Variants in GPC6 observed in about 807,000 individuals in gnomAD.
GPC6 encodes the protein glypican 6.
GPC6 carries 14 observed loss-of-function variants against 55.2 expected under a neutral mutation model. That is an observed-to-expected ratio of 0.25 (90% CI 0.17 to 0.40). The LOEUF is 0.40. Among genes scored for constraint, GPC6 ranks in the 10% least tolerant of loss-of-function variants. The pLI, the probability that GPC6 is intolerant of heterozygous loss-of-function variation, is 1.00. For missense variants in GPC6, 641 were observed against 708.5 expected, an observed-to-expected ratio of 0.90 and a Z score of 1.08; for synonymous variants, 278 against 259.6, an observed-to-expected ratio of 1.07 and a Z score of -0.68.
At chr13:93,536,845 C>T (rs1305597695) in intron 1 of GPC6, among the ~76,000 whole-genome samples, 1 of 152,002 alleles carries the variant, frequency 6.6e-6, no homozygotes, top group African/African-American at 2.4e-5. Context: ...GGTAACTGTT[C>T]CTAAAGGTAT....
chr13:94,293,522 T>C (rs1025486423), intron 5 of GPC6, among the ~76,000 whole-genome samples: 1 of 152,190 alleles, frequency 6.6e-6, no homozygotes, highest in African/African-American at 2.4e-5. Flanking sequence ...TTAAACCTCT[T>C]TTCTTTGTAA....
At chr13:94,253,281 G>T (rs1366773938) in intron 4 of GPC6, among the ~76,000 whole-genome samples, 1 of 152,058 alleles carries the variant, frequency 6.6e-6, no homozygotes. Flanking sequence ...GAAAAGAAGG[G>T]TGTTATTTAA....
chr13:93,252,286 G>T (rs1483126718), intron 1 of GPC6, among the ~76,000 whole-genome samples: 1 of 152,128 alleles, frequency 6.6e-6, no homozygotes, highest in African/African-American at 2.4e-5. Flanking sequence ...CCAGGGGTTT[G>T]AGAATACATT....
intron 1 of GPC6, among the ~76,000 whole-genome samples, chr13:93,368,381 C>T (rs1310105602): frequency 7.4e-6 from 1 of 135,550 alleles, no homozygotes; most frequent in Non-Finnish European, 1.6e-5. Context: ...TCCTTCCTTC[C>T]TTCCTTCCGT....
intron 4 of GPC6, among the ~76,000 whole-genome samples, chr13:94,175,956 A>ATG (rs71126441): frequency 1.6e-5 from 1 of 63,428 alleles, no homozygotes; most frequent in Non-Finnish European, 3.9e-5. Context: ...ATATATATAT[A>ATG]GAGAGAGAGA....
chr13:93,436,074 A>T (rs1877560326), intron 1 of GPC6, among the ~76,000 whole-genome samples: 1 of 152,138 alleles, frequency 6.6e-6, no homozygotes, highest in African/African-American at 2.4e-5. Context: ...CCTGTTTGAG[A>T]CCAATTGTAG....
At chr13:93,613,500 A>G (rs1878576084) in intron 2 of GPC6, among the ~76,000 whole-genome samples, 1 of 149,168 alleles carries the variant, frequency 6.7e-6, no homozygotes, top group African/African-American at 2.5e-5. Context: ...TCTCTGTGAC[A>G]GACAAGCAAA....
At chr13:93,966,495 G>A (rs1880049324) in intron 3 of GPC6, among the ~76,000 whole-genome samples, 1 of 152,130 alleles carries the variant, frequency 6.6e-6, no homozygotes, top group South Asian at 2.1e-4. Context: ...ATACTTTGCT[G>A]TGTTTGTTTG....
chr13:94,084,274 T>C (rs1471813311), intron 4 of GPC6, among the ~76,000 whole-genome samples: 1 of 152,226 alleles, frequency 6.6e-6, no homozygotes, highest in African/African-American at 2.4e-5. Context: ...GGCCAAAAAC[T>C]GAATCATTAT....
chr13:93,773,171 T>C (rs1041940062), intron 2 of GPC6, among the ~76,000 whole-genome samples: 9 of 152,298 alleles, frequency 5.9e-5, no homozygotes, highest in African/African-American at 2.2e-4. Context: ...CCACTCTAGT[T>C]AGTAATACTG....
chr13:93,324,587 C>CATATATATATATATATAT lies in GPC6; in HGVS notation c.160+96979_160+96996dup, dbSNP rs34871661. ...ATATATATATACACACACATACATA[C>CATATATATATATATATAT]ATATATATATATATATATATATATA... On this transcript the variant is annotated intron_variant, in intron 1 of 8. Transcript: ENST00000377047. 5.1e-3 allele frequency among the ~76,000 whole-genome samples: 621 copies of CATATATATATATATATAT among 122,650 alleles called. 4 individuals are homozygous for CATATATATATATATATAT. The highest frequency in any genetic ancestry group is 0.028 in the Admixed American group (302 of 10,696). The allele number at this position is 122,650 out of a possible 152,430, so 80.5% of individuals were successfully genotyped here. A position where few individuals can be genotyped will look rare whatever the true frequency, so the allele number is the denominator to read the frequency against.
At chr13:94,337,376 G>GAGTC (rs1261987597) in intron 6 of GPC6, among the ~76,000 whole-genome samples, 1 of 152,148 alleles carries the variant, frequency 6.6e-6, no homozygotes, top group Non-Finnish European at 1.5e-5. Flanking sequence ...GGTGAGGGCA[G>GAGTC]AGTCAGGACT....
chr13:94,290,685 A>G (rs2139091881), intron 5 of GPC6, among the ~76,000 whole-genome samples: 1 of 152,254 alleles, frequency 6.6e-6, no homozygotes, highest in Non-Finnish European at 1.5e-5. Context: ...TCTCTCAGCA[A>G]TTTTCAAGTA....
At chr13:94,299,816 G>A (rs1875544716) in intron 5 of GPC6, among the ~76,000 whole-genome samples, 1 of 152,122 alleles carries the variant, frequency 6.6e-6, no homozygotes, top group Non-Finnish European at 1.5e-5. Context: ...CATTTCTTGT[G>A]AAAATAATGG....
chr13:93,788,746 A>G (rs997462351), intron 2 of GPC6, among the ~76,000 whole-genome samples: 2 of 152,140 alleles, frequency 1.3e-5, no homozygotes, highest in African/African-American at 2.4e-5. Flanking sequence ...CCAGAGATCC[A>G]GAAGGGTTTT....
chr13:93,657,923 G>A (rs1880753895), intron 2 of GPC6, among the ~76,000 whole-genome samples: 1 of 152,004 alleles, frequency 6.6e-6, no homozygotes, highest in South Asian at 2.1e-4. Context: ...ACACTTGTCA[G>A]AATGGCTATT....
At chr13:93,587,156 C>T (rs1036144137) in intron 2 of GPC6, among the ~76,000 whole-genome samples, 1 of 151,862 alleles carries the variant, frequency 6.6e-6, no homozygotes. Flanking sequence ...TCTGGGCCTT[C>T]GTTTTTTGTC....
At chr13:93,893,552 C>A (rs1875819170) in intron 3 of GPC6, among the ~76,000 whole-genome samples, 1 of 152,084 alleles carries the variant, frequency 6.6e-6, no homozygotes, top group African/African-American at 2.4e-5. Flanking sequence ...TGTTATTTAA[C>A]CCTCTTGTGT....
chr13:93,530,063 G>A (rs1252506636), intron 1 of GPC6, among the ~76,000 whole-genome samples: 1 of 152,196 alleles, frequency 6.6e-6, no homozygotes, highest in Non-Finnish European at 1.5e-5. Flanking sequence ...GACACAGTTC[G>A]TAATTACTAG....
Sources: allele counts gnomAD v4.1 joint callset (sites outside exome capture counted in the v4.1 genomes callset), GRCh38; gene constraint gnomAD v4.1.1; transcripts MANE v1.5; gene names NCBI Gene and HGNC (gene_info 2026-07-23, HGNC 2026-07-21).